Variants in MTHFD2L observed in about 807,000 individuals in gnomAD.
MTHFD2L encodes the protein bifunctional methylenetetrahydrofolate dehydrogenase/cyclohydrolase 2, mitochondrial.
A neutral mutation model predicts 34.9 loss-of-function variants in MTHFD2L; 29 were observed. The observed-to-expected ratio is 0.83, with a 90% CI of 0.62 to 1.13. The LOEUF (loss-of-function observed/expected upper bound fraction) is 1.13. Among genes scored for constraint, MTHFD2L ranks in the 50% most tolerant of loss-of-function variants. MTHFD2L has a pLI of 0.00. For synonymous variants in MTHFD2L, 167 were observed against 155.7 expected, an observed-to-expected ratio of 1.07 and a Z score of -0.54; for missense variants, 481 against 446.5, an observed-to-expected ratio of 1.08 and a Z score of -0.70.
chr4:74,296,981 T>C (rs560174270), intron 7 of MTHFD2L, among the ~76,000 whole-genome samples: 1 of 152,228 alleles, frequency 6.6e-6, no homozygotes, highest in East Asian at 1.9e-4. Context: ...GAGAATAGTA[T>C]GTACAAAGGC....
chr4:74,123,070 A>T (rs1721839239), upstream of MTHFD2L, among the ~76,000 whole-genome samples: 5 of 152,326 alleles, frequency 3.3e-5, no homozygotes, highest in South Asian at 1.0e-3. Context: ...TTAACAAAAC[A>T]GTTATATTAA....
intron 1 of MTHFD2L, among the ~76,000 whole-genome samples, chr4:74,167,687 G>A (rs1727011900): frequency 6.6e-6 from 1 of 152,132 alleles, no homozygotes; most frequent in Non-Finnish European, 1.5e-5. Flanking sequence ...TTCAGGCAGA[G>A]GGAATATTAT....
intron 6 of MTHFD2L, chr4:74,268,189 T>A: frequency 1.0e-6 from 1 of 983,270 alleles, no homozygotes; most frequent in South Asian, 4.7e-5. Flanking sequence ...GGTTTTTGTA[T>A]TACTAATGTA....
intron 6 of MTHFD2L, among the ~76,000 whole-genome samples, chr4:74,229,151 T>C (rs1012404750): frequency 6.6e-6 from 1 of 152,158 alleles, no homozygotes; most frequent in African/African-American, 2.4e-5. Flanking sequence ...AAATTGAGAA[T>C]TTATAAGAAA....
chr4:74,224,365 G>C (rs1357715282), intron 5 of MTHFD2L, among the ~76,000 whole-genome samples: 1 of 152,038 alleles, frequency 6.6e-6, no homozygotes, highest in Non-Finnish European at 1.5e-5. Flanking sequence ...TCCCTGTATG[G>C]TATCTACTAA....
chr4:74,213,626 G>T (rs1736707551), intron 5 of MTHFD2L, among the ~76,000 whole-genome samples: 1 of 152,084 alleles, frequency 6.6e-6, no homozygotes, highest in Non-Finnish European at 1.5e-5. Context: ...TTTCTCTCTG[G>T]CTGCCCTTAA....
intron 3 of MTHFD2L, among the ~76,000 whole-genome samples, chr4:74,189,380 A>G (rs1732021334): frequency 6.6e-6 from 1 of 152,134 alleles, no homozygotes; most frequent in Non-Finnish European, 1.5e-5. Context: ...GGAGGTTTAT[A>G]TCAAAGAGCT....
At chr4:74,126,280 T>TG (rs1211273087) in intron 1 of MTHFD2L, among the ~76,000 whole-genome samples, 9 of 152,100 alleles carry the variant, frequency 5.9e-5, no homozygotes, top group African/African-American at 2.2e-4. Context: ...ATCATCAAAC[T>TG]GCCAAATAAA....
chr4:74,211,562 C>A (rs972438747), intron 5 of MTHFD2L, among the ~76,000 whole-genome samples: 3 of 152,116 alleles, frequency 2.0e-5, no homozygotes, highest in Non-Finnish European at 4.4e-5. Context: ...TAAGCTTTTT[C>A]ATGTGCTGCT....
At chr4:74,133,955 C>T (rs1360729250) in intron 1 of MTHFD2L, among the ~76,000 whole-genome samples, 1 of 152,108 alleles carries the variant, frequency 6.6e-6, no homozygotes, top group Non-Finnish European at 1.5e-5. Context: ...GAAGTGGAAA[C>T]ATTCTGAGCA....
At chr4:74,195,479 ATAT>A (rs1214852106) in intron 3 of MTHFD2L, 1 of 152,220 alleles carries the variant, frequency 6.6e-6, no homozygotes, top group African/African-American at 2.4e-5. Context: ...AGTGCTAGAT[ATAT>A]TATTATGAAG....
At chr4:74,137,982 G>A (rs1723047660) in intron 1 of MTHFD2L, among the ~76,000 whole-genome samples, 1 of 150,796 alleles carries the variant, frequency 6.6e-6, no homozygotes, top group Non-Finnish European at 1.5e-5. Flanking sequence ...TAAGAGAGGG[G>A]GGAAAAATAA....
chr4:74,281,942 A>C (rs1324494111), intron 7 of MTHFD2L, among the ~76,000 whole-genome samples: 1 of 152,144 alleles, frequency 6.6e-6, no homozygotes, highest in Admixed American at 6.6e-5. Context: ...ATTCACTCTT[A>C]GAGCCAGAAG....
chr4:74,237,787 C>T (rs1011614656), intron 6 of MTHFD2L, among the ~76,000 whole-genome samples: 1 of 152,132 alleles, frequency 6.6e-6, no homozygotes, highest in East Asian at 1.9e-4. Context: ...TATGGCATTG[C>T]ATCAGCACCA....
chr4:74,269,438 C>G (rs1291051533), intron 6 of MTHFD2L, among the ~76,000 whole-genome samples: 2 of 151,718 alleles, frequency 1.3e-5, no homozygotes, highest in Non-Finnish European at 1.5e-5. Context: ...ACTCAGATAA[C>G]TAATATGGGA....
At chr4:74,264,992 C>T (rs1457857477) in intron 6 of MTHFD2L, among the ~76,000 whole-genome samples, 1 of 152,098 alleles carries the variant, frequency 6.6e-6, no homozygotes, top group Non-Finnish European at 1.5e-5. Context: ...ATGTGTAACA[C>T]ATTTCAATTG....
intron 7 of MTHFD2L, among the ~76,000 whole-genome samples, chr4:74,290,892 A>C: frequency 6.8e-6 from 1 of 146,958 alleles, no homozygotes; most frequent in Non-Finnish European, 1.5e-5. Flanking sequence ...AATTTGCCTT[A>C]CTCATTTTGC....
At chr4:74,234,796 A>AGTGTGTGTGTGTGTGT (rs139133412) in intron 6 of MTHFD2L, among the ~76,000 whole-genome samples, 6 of 149,536 alleles carry the variant, frequency 4.0e-5, no homozygotes, top group African/African-American at 1.5e-4. Flanking sequence ...AAAAGGAGAC[A>AGTGTGTGTGTGTGTGT]GTGTGTGTGT....
chr4:74,230,146 AT>A (rs1739793419), intron 6 of MTHFD2L, among the ~76,000 whole-genome samples: 1 of 152,210 alleles, frequency 6.6e-6, no homozygotes, highest in African/African-American at 2.4e-5. Flanking sequence ...CTGTAGCATT[AT>A]TTTTGGGAAC....
Sources: allele counts gnomAD v4.1 joint callset (sites outside exome capture counted in the v4.1 genomes callset), GRCh38; gene constraint gnomAD v4.1.1; transcripts MANE v1.5; gene names NCBI Gene and HGNC (gene_info 2026-07-23, HGNC 2026-07-21).